The following SCN1A variants were observed in gnomAD, a reference collection of about 807,000 sequenced individuals.
The protein encoded by SCN1A is sodium channel protein type 1 subunit alpha.
SCN1A carries 13 observed loss-of-function variants against 193.7 expected under a neutral mutation model. The observed-to-expected ratio is 0.07, with a 90% CI of 0.04 to 0.11. The LOEUF (loss-of-function observed/expected upper bound fraction) is 0.11. SCN1A is among the 10% of genes least tolerant of loss of function. The pLI, the probability that SCN1A is intolerant of heterozygous loss-of-function variation, is 1.00. For synonymous variants in SCN1A, 781 were observed against 843.6 expected, an observed-to-expected ratio of 0.93 and a Z score of 1.29; for missense variants, 1,432 against 2,451.1, an observed-to-expected ratio of 0.58 and a Z score of 8.78.
At chr2:166,104,020 C>T (rs573862173) in intron 2 of SCN1A, among the ~76,000 whole-genome samples, 28 of 152,240 alleles carry the variant, frequency 1.8e-4, no homozygotes, top group African/African-American at 6.5e-4. Context: ...GGCATAGTGC[C>T]TGACACTATG....
At chr2:166,012,036 T>C (rs1692530247) in intron 22 of SCN1A, 73 bp downstream of exon 22, 1 of 1,312,664 alleles carries the variant, frequency 7.6e-7, no homozygotes, top group Non-Finnish European at 1.1e-6. Flanking sequence ...GGTCTGAGAC[T>C]CACTATTGTA....
rs779090130 is a variant in SCN1A, at chr2:165,994,254, C to T, written c.4744G>A (p.Val1582Met). ...ILSRINLVFI[V>M]LFTGECVLKL... The stretch of plus-strand genomic sequence containing the variant: ...AGTACACACTCTCCAGTAAATAGCA[C>T]AATGAACACCAGATTGATGCGTGAC... Residue 1582 changes from valine to methionine, a missense_variant, in exon 28 of 29, where the codon GTG becomes ATG. Around this residue, in one of 18 missense-constraint regions of SCN1A, gnomAD observed 85 missense variants for 119.1 expected, o/e 0.71. Coordinates refer to ENST00000674923, the MANE Select transcript of SCN1A (RefSeq NM_001165963.4). 55 of 1,613,062 alleles carry T rather than the reference C, an allele frequency of 3.4e-5. No individual in the cohort carries two copies. The highest frequency in any genetic ancestry group is 1.2e-5 in the Non-Finnish European group (14 of 1,179,504).
chr2:166,085,057 A>G (rs1486290896), intron 2 of SCN1A, among the ~76,000 whole-genome samples: 1 of 152,100 alleles, frequency 6.6e-6, no homozygotes, highest in Non-Finnish European at 1.5e-5. Flanking sequence ...CCACTGGACC[A>G]CCCCTGTATA....
chr2:166,055,193 T>TG, intron 6 of SCN1A, among the ~76,000 whole-genome samples: 1 of 23,760 alleles, frequency 4.2e-5, no homozygotes, highest in Non-Finnish European at 1.5e-4. Context: ...TTAGCACGTG[T>TG]TTTTTTTTTT....
At chr2:166,103,132 C>T (rs911919624) in intron 2 of SCN1A, among the ~76,000 whole-genome samples, 2 of 151,896 alleles carry the variant, frequency 1.3e-5, no homozygotes, top group African/African-American at 4.8e-5. Context: ...AGGCCAGACA[C>T]AGTTGAATAG....
intron 4 of SCN1A, among the ~76,000 whole-genome samples, chr2:166,068,496 G>T (rs1684075673): frequency 6.6e-6 from 1 of 152,126 alleles, no homozygotes; most frequent in Admixed American, 6.5e-5. Context: ...GCAAAGAACA[G>T]CTACACACTG....
intron 2 of SCN1A, among the ~76,000 whole-genome samples, chr2:166,085,563 T>C (rs1327447858): frequency 6.6e-6 from 1 of 152,056 alleles, no homozygotes; most frequent in Non-Finnish European, 1.5e-5. Flanking sequence ...AGATACAGCA[T>C]AGAACCCACG....
At chr2:166,117,647 A>AG (rs1290897048) in intron 2 of SCN1A, among the ~76,000 whole-genome samples, 1 of 152,250 alleles carries the variant, frequency 6.6e-6, no homozygotes, top group Non-Finnish European at 1.5e-5. Flanking sequence ...AAAAGTCTCA[A>AG]GGGAATGCAA....
At chr2:166,131,353 G>A (rs514516), upstream of SCN1A, among the ~76,000 whole-genome samples, 130,611 of 152,200 alleles carry the variant, frequency 0.86, 56,190 homozygotes, top group East Asian at 0.98. Context: ...GAATGAAGGC[G>A]TAAGATGTCA....
chr2:166,076,007 A>G (rs113778089), intron 3 of SCN1A, among the ~76,000 whole-genome samples: 1,520 of 151,410 alleles, frequency 0.01, 23 homozygotes, highest in African/African-American at 0.033. Flanking sequence ...TTTTCCTTCT[A>G]TTTTTTTCAA....
Position 166,042,374 on chromosome 2 carries a change from G to A in SCN1A, c.2094C>T (p.His698=), listed in dbSNP as rs372260058. ...GATCTTCTAGAAAGTCCATGGAAAC[G>A]TGGAAAGAACTTGACCTTCTCTTTC... ...EMRKRRSSSF[H]VSMDFLEDPS... is the part of the protein sequence containing the mutation. The change falls in exon 15 of 29, where the codon CAC becomes CAT. Residue 698 remains histidine (H), a synonymous_variant. Transcript: ENST00000674923. 38 of 1,613,646 alleles carry A rather than the reference G, an allele frequency of 2.4e-5. No individual in the cohort carries two copies. The highest frequency in any genetic ancestry group is 1.2e-4 in the African/African-American group (9 of 74,904).
At chr2:166,115,217 G>A (rs1282266244) in intron 2 of SCN1A, among the ~76,000 whole-genome samples, 2 of 152,044 alleles carry the variant, frequency 1.3e-5, no homozygotes, top group African/African-American at 4.8e-5. Context: ...AAATTAGCTG[G>A]GCATGGTGGC....
intron 10 of SCN1A, among the ~76,000 whole-genome samples, chr2:166,048,451 G>C (rs1037633372): frequency 1.3e-5 from 2 of 152,204 alleles, no homozygotes; most frequent in Non-Finnish European, 2.9e-5. Context: ...AGGACATGCG[G>C]TACTTAGTTT....
intron 25 of SCN1A, 53 bp downstream of exon 25, chr2:165,999,670 T>C: frequency 7.9e-7 from 1 of 1,267,544 alleles, no homozygotes; most frequent in Non-Finnish European, 1.2e-6. Context: ...ATTCGATTAA[T>C]TTTACCACCT....
intron 2 of SCN1A, among the ~76,000 whole-genome samples, chr2:166,082,383 C>A (rs905227417): frequency 1.3e-5 from 2 of 152,098 alleles, no homozygotes; most frequent in Admixed American, 1.3e-4. Context: ...ATGAAATATT[C>A]TTTTAAAGCT....
intron 19 of SCN1A, among the ~76,000 whole-genome samples, chr2:166,023,490 A>C (rs1362833540): frequency 6.6e-6 from 1 of 152,238 alleles, no homozygotes; most frequent in Admixed American, 6.5e-5. Context: ...TGATCTTTAA[A>C]GTTCCAGCTT....
intron 5 of SCN1A, among the ~76,000 whole-genome samples, chr2:166,058,112 C>T (rs1368279850): frequency 6.6e-6 from 1 of 152,020 alleles, no homozygotes; most frequent in Non-Finnish European, 1.5e-5. Context: ...CATTCTCTGA[C>T]AGAAAATATA....
At chr2:165,993,964 A>G in intron 28 of SCN1A, 182 bp downstream of exon 28, 1 of 613,628 alleles carries the variant, frequency 1.6e-6, no homozygotes, top group South Asian at 2.0e-5. Context: ...TGGATAGAAT[A>G]AGAAACAATA....
chr2:166,024,342 G>C (rs938182409), intron 19 of SCN1A, among the ~76,000 whole-genome samples: 1 of 152,166 alleles, frequency 6.6e-6, no homozygotes, highest in Admixed American at 6.5e-5. Context: ...TCCACATGTA[G>C]CTGGGCTTTT....
Sources: gnomAD v4.1 joint callset for allele counts (sites outside exome capture counted in the v4.1 genomes callset) on GRCh38, gnomAD v4.1.1 for gene constraint, gnomAD v4.1.1 regional missense constraint, MANE v1.5 for transcripts, NCBI Gene and HGNC (gene_info 2026-07-23, HGNC 2026-07-21) for gene names.